The following KCNG3 variants were observed in gnomAD, a reference collection of about 807,000 sequenced individuals.
KCNG3 encodes voltage-gated potassium channel regulatory subunit KCNG3.
Under a neutral mutation model 29.0 loss-of-function variants are expected in KCNG3, and 15 were observed. The ratio of observed to expected loss-of-function variants is 0.52; its 90% CI spans 0.35 to 0.80. The LOEUF is 0.80. Among genes scored for constraint, KCNG3 ranks in the 30% least tolerant of loss-of-function variants. The pLI is 0.01. For missense variants in KCNG3, 512 were observed against 605.7 expected, an observed-to-expected ratio of 0.85 and a Z score of 1.62; for synonymous variants, 322 against 248.9, an observed-to-expected ratio of 1.29 and a Z score of -2.76.
Position 42,444,223 on chromosome 2 carries a change from G to C in KCNG3, c.1022C>G (p.Ser341Cys). The C allele has an allele frequency of 6.2e-7, 1 of 1,614,142 alleles. No homozygotes were observed. The highest frequency in any genetic ancestry group is 1.1e-5 in the South Asian group (1 of 91,066). ...CVAMAIFSAL[S>C]QLLEHGLDLE... ...GTCCAGCCCATGTTCAAGAAGCTGA[G>C]AAAGTGCACTAAAGATTGCCATGGC... Residue 341 changes from serine to cysteine, a missense_variant, in exon 2 of 2, where the codon TCT becomes TGT. By Grantham distance (112) the Ser-to-Cys change is moderately radical. Transcript: ENST00000306078. The surrounding 1 kb of genome is among the most constrained non-coding windows in gnomAD (Gnocchi z 5.8).
Position 42,450,611 on chromosome 2 carries a change from T to C in KCNG3, c.666-6032A>G, listed in dbSNP as rs577808290. ...TGAGTTCCAAACATATAGATGTTCA[T>C]GAATGTATGCCTAATAAAAATATTC... On this transcript the variant is annotated intron_variant, in intron 1 of 1. Transcript: ENST00000306078. 8.5e-5 allele frequency among the ~76,000 whole-genome samples: 13 copies of C among 152,368 alleles called. No homozygotes were observed. In the East Asian group the frequency reaches 2.1e-3, roughly 25 times the overall value.
In KCNG3 at chr2:42,444,291, A is replaced by G. The variant is rs952345297; in HGVS notation, c.954T>C (p.Arg318=). Residue 318 remains arginine, a synonymous_variant, in exon 2 of 2, where the codon CGT becomes CGC. Coordinates refer to ENST00000306078, the MANE Select transcript of KCNG3 (RefSeq NM_133329.6). The surrounding 1 kb of genome is among the most constrained non-coding windows in gnomAD (Gnocchi z 5.8). The part of the protein sequence containing the change: ...GLQTLGLTLK[R]CYREMVMLLV... ...GTAACATAACCATCTCTCGGTAGCA[A>G]CGTTTGAGAGTCAAACCGAGTGTCT... 1.9e-6 allele frequency: 3 copies of G among 1,614,232 alleles called. No homozygotes were observed. The highest frequency in any genetic ancestry group is 2.5e-6 in the Non-Finnish European group (3 of 1,180,038).
chr2:42,442,008 C>A (rs1021806446), downstream of KCNG3: 2 of 151,654 alleles, frequency 1.3e-5, no homozygotes, highest in African/African-American at 4.8e-5. Flanking sequence ...GGTCCCAGTA[C>A]CAGTAAAATT....
chr2:42,452,357 G>C (rs1028748634), intron 1 of KCNG3, among the ~76,000 whole-genome samples: 7 of 150,248 alleles, frequency 4.7e-5, no homozygotes, highest in Non-Finnish European at 8.9e-5. Context: ...TTTATCCTTT[G>C]TGTTACAAAC....
At chr2:42,390,116 C>G in the KCNG3 span, among the ~76,000 whole-genome samples, 1 of 152,190 alleles carries the variant, frequency 6.6e-6, no homozygotes, top group Non-Finnish European at 1.5e-5. Flanking sequence ...ATGTGAATGT[C>G]ATGCAGGAAA....
the KCNG3 span, among the ~76,000 whole-genome samples, chr2:42,431,961 C>T: frequency 1.3e-5 from 2 of 151,628 alleles, no homozygotes; most frequent in Admixed American, 1.3e-4. Context: ...ATCGCTTGAA[C>T]CCAGGAGGCA....
In KCNG3 at chr2:42,444,752, A is replaced by G. The variant is rs1672557981; in HGVS notation, c.666-173T>C. 6.6e-6 allele frequency among the ~76,000 whole-genome samples: 1 copy of G among 152,144 alleles called. No homozygotes were observed. The highest frequency in any genetic ancestry group is 1.9e-4 in the East Asian group (1 of 5,196). ...AGACCACCAGGATGCACGCAACAGA[A>G]CAACAAATCAATTCAGATGAAAATT... is the stretch of plus-strand genomic sequence containing the variant. On this transcript the variant is annotated intron_variant, in intron 1 of 1. Coordinates refer to ENST00000306078, the MANE Select transcript of KCNG3 (RefSeq NM_133329.6). This position sits in a 1 kb window ranked among gnomAD's most constrained non-coding sequence, Gnocchi z 5.8.
chr2:42,409,483 T>A, the KCNG3 span, among the ~76,000 whole-genome samples: 3 of 151,962 alleles, frequency 2.0e-5, no homozygotes, highest in African/African-American at 7.3e-5. Context: ...GCATGAGGAT[T>A]GCTTGAGCTC....
chr2:42,488,573 T>A (rs1272856509), intron 1 of KCNG3, among the ~76,000 whole-genome samples: 12 of 149,726 alleles, frequency 8.0e-5, no homozygotes, highest in African/African-American at 2.9e-4. Context: ...TTTTTGAGAC[T>A]CAGTCTCACT....
At chr2:42,422,312 G>A in the KCNG3 span, among the ~76,000 whole-genome samples, 2 of 152,038 alleles carry the variant, frequency 1.3e-5, no homozygotes, top group African/African-American at 4.8e-5. Context: ...GATGAGCTTG[G>A]CTTCTCTTCC....
chr2:42,415,311 T>C, the KCNG3 span, among the ~76,000 whole-genome samples: 10 of 152,194 alleles, frequency 6.6e-5, no homozygotes, highest in African/African-American at 2.4e-4. Flanking sequence ...AAGCATCTTA[T>C]TTCTGGTTAT....
chr2:42,476,790 A>G (rs976539515), intron 1 of KCNG3, among the ~76,000 whole-genome samples: 1 of 151,042 alleles, frequency 6.6e-6, no homozygotes, highest in Non-Finnish European at 1.5e-5. Flanking sequence ...ATGCCCGGAC[A>G]AAATAAAACA....
chr2:42,391,309 C>T, the KCNG3 span, among the ~76,000 whole-genome samples: 1 of 152,288 alleles, frequency 6.6e-6, no homozygotes, highest in East Asian at 1.9e-4. Context: ...CTAATGGTTG[C>T]CTAAAGACCC....
chr2:42,469,486 T>C (rs1404496193), intron 1 of KCNG3, among the ~76,000 whole-genome samples: 1 of 149,958 alleles, frequency 6.7e-6, no homozygotes, highest in African/African-American at 2.5e-5. Context: ...ACAAGATAAA[T>C]GGCAAATGAG....
the KCNG3 span, among the ~76,000 whole-genome samples, chr2:42,401,042 T>C: frequency 1.7e-5 from 2 of 115,346 alleles, no homozygotes; most frequent in African/African-American, 6.6e-5. Flanking sequence ...TAAAAACACA[T>C]GTGTGTATAT....
intron 1 of KCNG3, among the ~76,000 whole-genome samples, chr2:42,486,716 G>A (rs1673734605): frequency 6.6e-6 from 1 of 152,180 alleles, no homozygotes; most frequent in Non-Finnish European, 1.5e-5. Flanking sequence ...AATCTGAAAT[G>A]ATTTGCTTAC....
intron 1 of KCNG3, among the ~76,000 whole-genome samples, chr2:42,473,475 G>T (rs1673343341): frequency 6.6e-6 from 1 of 151,238 alleles, no homozygotes; most frequent in African/African-American, 2.4e-5. Context: ...TCAGCCTCCT[G>T]AGTAGCTGGG....
chr2:42,470,111 C>G, intron 1 of KCNG3: 1 of 472,930 alleles, frequency 2.1e-6, no homozygotes, highest in Non-Finnish European at 3.9e-6. Context: ...TGTTCAAAAG[C>G]ATCTTGAGAG....
chr2:42,388,934 T>C, the KCNG3 span, among the ~76,000 whole-genome samples: 2 of 152,154 alleles, frequency 1.3e-5, no homozygotes, highest in Non-Finnish European at 2.9e-5. Flanking sequence ...TGTATTTTAT[T>C]TGAGAGGGAG....
Sources: allele counts gnomAD v4.1 joint callset (sites outside exome capture counted in the v4.1 genomes callset), GRCh38; gene constraint gnomAD v4.1.1; non-coding constraint Gnocchi (gnomAD v3.1); transcripts MANE v1.5; gene names NCBI Gene and HGNC (gene_info 2026-07-23, HGNC 2026-07-21).